The following DDX60L variants were observed in gnomAD, a reference collection of about 807,000 sequenced individuals.
DDX60L encodes probable ATP-dependent RNA helicase DDX60-like.
In DDX60L, 191 loss-of-function variants were observed where a neutral mutation model predicts 211.6. The ratio of observed to expected loss-of-function variants is 0.90; its 90% confidence interval spans 0.80 to 1.02. DDX60L has a LOEUF of 1.02. DDX60L is among the 50% of genes least tolerant of loss of function. DDX60L has a pLI of 0.00. For missense variants in DDX60L, 2,007 were observed against 1,984.1 expected (o/e 1.01, Z -0.22); for synonymous variants, 706 against 694.1 (o/e 1.02, Z -0.27).
rs1752733338 is a variant in DDX60L, at chr4:168,434,157, G to C, written c.1295-1042C>G. The stretch of plus-strand genomic sequence containing the variant: ...TGTGTGTGCATAGATGCGTGAGTGT[G>C]TACATGTGTATATCGTATATGAGAC... On this transcript the variant is annotated intron_variant, in intron 10 of 37. Transcript: ENST00000682922. 1.3e-5 allele frequency among the ~76,000 whole-genome samples: 2 copies of C among 151,936 alleles called. 1 individual carries two copies. The highest frequency in any genetic ancestry group is 4.2e-4 in the South Asian group (2 of 4,814).
At chr4:168,479,254 A>G (rs1760058011) in intron 1 of DDX60L, among the ~76,000 whole-genome samples, 2 of 152,206 alleles carry the variant, frequency 1.3e-5, no homozygotes, top group Admixed American at 1.3e-4. Context: ...TCTTTGGGAT[A>G]GAAGGCGAAG....
At chr4:168,363,314 G>T (rs921944912) in intron 36 of DDX60L, among the ~76,000 whole-genome samples, 2 of 152,150 alleles carry the variant, frequency 1.3e-5, no homozygotes, top group Non-Finnish European at 2.9e-5. Flanking sequence ...TTAAGTGAAT[G>T]CTACAACTAA....
intron 26 of DDX60L, among the ~76,000 whole-genome samples, chr4:168,399,163 C>G (rs1746343862): frequency 6.6e-6 from 1 of 152,196 alleles, no homozygotes; most frequent in Non-Finnish European, 1.5e-5. Context: ...CACTGAATGG[C>G]AGGGCTAAAA....
In DDX60L at chr4:168,473,059, A is replaced by C. The variant is rs555557751; in HGVS notation, c.-110-250T>G. On this transcript the variant is annotated intron_variant, in intron 1 of 37. Coordinates refer to ENST00000682922, the MANE Select transcript of DDX60L (RefSeq NM_001012967.3). ...CTCCCTTATAGTTAATTTGCCCCCC[A>C]AAAAAAGCAATAAAAAGTATTCTTG... Among the ~76,000 whole-genome samples, 18 of 152,252 alleles carry C rather than the reference A, an allele frequency of 1.2e-4. No individual in the cohort carries two copies. The South Asian group carries it at 2.7e-3, about 23-fold the overall frequency.
intron 9 of DDX60L, among the ~76,000 whole-genome samples, chr4:168,442,114 G>C (rs553809894): frequency 6.6e-6 from 1 of 152,068 alleles, no homozygotes; most frequent in Non-Finnish European, 1.5e-5. Context: ...ACTAGGGAGT[G>C]CCAGACAGTG....
intron 9 of DDX60L, among the ~76,000 whole-genome samples, chr4:168,443,940 C>T (rs1386056032): frequency 1.5e-5 from 2 of 130,308 alleles, no homozygotes; most frequent in Non-Finnish European, 3.2e-5. Flanking sequence ...AATGTAAAGA[C>T]CAGCGAGACT....
Position 168,472,533 on chromosome 4 carries a change from AAGG to A in DDX60L, c.5-12_5-10del. ...TGCATGATCCTTTGACCCTAAAAAT[AAGG>A]AGATTTTTTGAGCCATCAATATTTT... On this transcript the variant is annotated splice_polypyrimidine_tract_variant and intron_variant, in intron 2 of 37. Transcript: ENST00000682922. 1 of 1,580,676 alleles carries A rather than the reference AAGG, an allele frequency of 6.3e-7. No homozygotes were observed. Among genetic ancestry groups the A allele is most frequent in the South Asian group, 1.1e-5 (1 of 87,192 alleles).
intron 34 of DDX60L, 97 bp downstream of exon 34, chr4:168,375,279 TC>T (rs1441889366): frequency 1.5e-6 from 2 of 1,319,856 alleles, no homozygotes; most frequent in Non-Finnish European, 1.1e-6. Flanking sequence ...TGTAATAAGC[TC>T]CTTTACCAGC....
At chr4:168,388,628 G>A (rs116822071) in intron 29 of DDX60L, among the ~76,000 whole-genome samples, 2,144 of 152,280 alleles carry the variant, frequency 0.014, 16 homozygotes, top group African/African-American at 0.026. Flanking sequence ...TAACTTGTCC[G>A]TAGTTGCACA....
At chr4:168,385,060 C>T (rs986213641) in intron 29 of DDX60L, among the ~76,000 whole-genome samples, 17 of 152,184 alleles carry the variant, frequency 1.1e-4, no homozygotes, top group Non-Finnish European at 1.6e-4. Context: ...AATCCTTGGA[C>T]TCTCCAATAT....
At chr4:168,395,731 G>C (rs997410483) in intron 27 of DDX60L, 3 of 414,414 alleles carry the variant, frequency 7.2e-6, no homozygotes, top group Non-Finnish European at 1.3e-5. Context: ...GGATAATAGA[G>C]TGAAATAAAA....
At chr4:168,420,639 C>CACACACACGAG in intron 17 of DDX60L, among the ~76,000 whole-genome samples, 1 of 106,606 alleles carries the variant, frequency 9.4e-6, no homozygotes, top group Non-Finnish European at 2.0e-5. Flanking sequence ...CACACACACA[C>CACACACACGAG]ATGAGATAGA....
At chr4:168,375,787 A>T (rs1741847772) in intron 33 of DDX60L, among the ~76,000 whole-genome samples, 1 of 152,188 alleles carries the variant, frequency 6.6e-6, no homozygotes, top group Admixed American at 6.5e-5. Flanking sequence ...TCCTACACTG[A>T]TCTTAAACTT....
intron 18 of DDX60L, 37 bp downstream of exon 18, chr4:168,420,224 T>C (rs1193815697): frequency 7.4e-6 from 11 of 1,481,040 alleles, no homozygotes; most frequent in South Asian, 1.3e-5. Flanking sequence ...TACTGCTCTA[T>C]AATTTGATAA....
At chr4:168,361,048 T>C (rs1035013727) in intron 37 of DDX60L, 101 bp downstream of exon 37, 2 of 859,242 alleles carry the variant, frequency 2.3e-6, no homozygotes, top group East Asian at 2.7e-5. Flanking sequence ...ATCTTCAGAG[T>C]GCTCCTTCAT....
At chr4:168,420,502 ACACT>A (rs1750358985) in intron 17 of DDX60L, 122 bp from the exon 18 acceptor site, 3 of 702,542 alleles carry the variant, frequency 4.3e-6, no homozygotes, top group Non-Finnish European at 6.5e-6. Flanking sequence ...ACACACACAC[ACACT>A]TCAATGAAAA....
chr4:168,450,572 A>T, intron 8 of DDX60L, among the ~76,000 whole-genome samples: 1 of 152,156 alleles, frequency 6.6e-6, no homozygotes, highest in Non-Finnish European at 1.5e-5. Context: ...CTATTGTTGA[A>T]TATTCCATAG....
At chr4:168,430,785 C>A in intron 12 of DDX60L, 147 bp from the exon 13 acceptor site, 1 of 582,618 alleles carries the variant, frequency 1.7e-6, no homozygotes, top group Non-Finnish European at 2.7e-6. Flanking sequence ...AAAATAATTC[C>A]CTATATTATT....
Position 168,415,706 on chromosome 4 carries a change from G to A in DDX60L, c.2820C>T (p.Asn940=), listed in dbSNP as rs1055545052. 3 of 1,604,426 alleles carry A rather than the reference G, an allele frequency of 1.9e-6. No individual in the cohort carries two copies. In the African/African-American group the frequency reaches 4.0e-5, roughly 21 times the overall value. ...ISEKQADKCL[N]FLQDHSYKNQ... ...TTTTATATGAATGGTCTTGGAGAAA[G>A]TTGAGACATTTGTCAGCCTGTTTTT... Residue 940 remains asparagine, a synonymous_variant, in exon 21 of 38, where the codon AAC becomes AAT. Transcript: ENST00000682922.
Sources: gnomAD v4.1 joint callset for allele counts (sites outside exome capture counted in the v4.1 genomes callset) on GRCh38, gnomAD v4.1.1 for gene constraint, MANE v1.5 for transcripts, NCBI Gene and HGNC (gene_info 2026-07-23, HGNC 2026-07-21) for gene names.